MAGI2: variants seen among roughly 807,000 people sequenced by gnomAD.
MAGI2 encodes the protein membrane associated guanylate kinase, WW and PDZ domain containing 2.
Under a neutral mutation model 133.3 loss-of-function variants are expected in MAGI2, and 35 were observed. That is an observed-to-expected ratio of 0.26 (90% CI 0.20 to 0.35). MAGI2 has a LOEUF of 0.35. Among genes scored for constraint, MAGI2 ranks in the 10% least tolerant of loss-of-function variants. The pLI is 1.00. For missense variants in MAGI2, 1,636 were observed against 1,863.4 expected (o/e 0.88, Z 2.25); for synonymous variants, 729 against 710.6 (o/e 1.03, Z -0.41).
intron 2 of MAGI2, among the ~76,000 whole-genome samples, chr7:78,867,408 G>T (rs1031178670): frequency 6.6e-6 from 1 of 151,202 alleles, no homozygotes; most frequent in Admixed American, 6.6e-5. Flanking sequence ...GATGAAATTG[G>T]AAATCATCAT....
At chr7:78,657,520 A>T (rs1812435257) in intron 2 of MAGI2, among the ~76,000 whole-genome samples, 1 of 152,224 alleles carries the variant, frequency 6.6e-6, no homozygotes, top group Non-Finnish European at 1.5e-5. Flanking sequence ...GATATGAAGG[A>T]AATTTAAATG....
chr7:78,891,300 C>A (rs28863478), intron 2 of MAGI2, among the ~76,000 whole-genome samples: 57 of 152,256 alleles, frequency 3.7e-4, no homozygotes, highest in African/African-American at 1.3e-3. Context: ...ACCAAAGGTA[C>A]AAGGAGGAGC....
intron 9 of MAGI2, among the ~76,000 whole-genome samples, chr7:78,284,117 T>C (rs185148348): frequency 5.1e-4 from 77 of 152,208 alleles, no homozygotes; most frequent in African/African-American, 1.8e-3. Context: ...AATTTAAATA[T>C]GAGTACACAC....
At chr7:78,181,594 G>A (rs925555476) in intron 13 of MAGI2, among the ~76,000 whole-genome samples, 1 of 152,194 alleles carries the variant, frequency 6.6e-6, no homozygotes, top group Non-Finnish European at 1.5e-5. Context: ...TTGCTTCTTA[G>A]AAGTTGGGTC....
intron 3 of MAGI2, among the ~76,000 whole-genome samples, chr7:78,591,541 C>A (rs1426136436): frequency 6.6e-6 from 1 of 152,176 alleles, no homozygotes; most frequent in Non-Finnish European, 1.5e-5. Flanking sequence ...ATGCCAATGG[C>A]GGAGCCCTAA....
chr7:78,144,419 T>G (rs1283147157), intron 16 of MAGI2, among the ~76,000 whole-genome samples: 1 of 152,196 alleles, frequency 6.6e-6, no homozygotes, highest in African/African-American at 2.4e-5. Context: ...TATCCCAAAG[T>G]AGTTTTATTA....
At chr7:79,057,473 T>G (rs1456645755) in intron 1 of MAGI2, among the ~76,000 whole-genome samples, 1 of 152,222 alleles carries the variant, frequency 6.6e-6, no homozygotes, top group Non-Finnish European at 1.5e-5. Context: ...TATGTGTATT[T>G]TTGTTTCTAA....
intron 9 of MAGI2, among the ~76,000 whole-genome samples, chr7:78,304,488 T>C (rs1043248447): frequency 6.6e-6 from 1 of 152,214 alleles, no homozygotes; most frequent in Non-Finnish European, 1.5e-5. Flanking sequence ...GAGCAACACA[T>C]GATTTGCTTA....
At chr7:79,174,384 A>G (rs1221491667) in intron 1 of MAGI2, among the ~76,000 whole-genome samples, 1 of 152,140 alleles carries the variant, frequency 6.6e-6, no homozygotes, top group African/African-American at 2.4e-5. Flanking sequence ...AAAAGGGAAG[A>G]AACCACAAAG....
chr7:78,460,941 AACACAC>A (rs5885065), intron 6 of MAGI2, among the ~76,000 whole-genome samples: 4 of 150,354 alleles, frequency 2.7e-5, no homozygotes, highest in African/African-American at 4.9e-5. Flanking sequence ...GATCTGGTAA[AACACAC>A]ACACACACAC....
In MAGI2 at chr7:78,256,001, C is replaced by T. The variant is rs1395136518; in HGVS notation, c.1989G>A (p.Val663=). ...CAATGGGACAGTCCTTAAGTATATC[C>T]ACTACTTCTGTATGGCTCAGGTTCT... The part of the protein sequence containing the change: ...NVQNLSHTEV[V]DILKDCPIGS... Residue 663 remains valine, a synonymous_variant, in exon 10 of 22, where the codon GTG becomes GTA. Transcript: ENST00000354212. The T allele has an allele frequency of 3.1e-6, 5 of 1,613,596 alleles. No homozygotes were observed. Among genetic ancestry groups the T allele is most frequent in the Non-Finnish European group, 4.2e-6 (5 of 1,179,884 alleles).
chr7:78,283,738 A>G (rs1187806716), intron 9 of MAGI2, among the ~76,000 whole-genome samples: 1 of 152,132 alleles, frequency 6.6e-6, no homozygotes, highest in East Asian at 1.9e-4. Context: ...AGTCATCTAT[A>G]GAATACATGC....
intron 6 of MAGI2, among the ~76,000 whole-genome samples, chr7:78,445,218 T>C (rs1788013202): frequency 6.6e-6 from 1 of 152,064 alleles, no homozygotes; most frequent in African/African-American, 2.4e-5. Flanking sequence ...CAAGCAGATA[T>C]CATGCAACTA....
At chr7:78,967,217 C>A (rs1335444392) in intron 2 of MAGI2, among the ~76,000 whole-genome samples, 2 of 152,018 alleles carry the variant, frequency 1.3e-5, no homozygotes, top group African/African-American at 4.8e-5. Flanking sequence ...GCTAGAATTA[C>A]GGGTGTGAGT....
chr7:78,600,574 A>T (rs1255601413), intron 3 of MAGI2, among the ~76,000 whole-genome samples: 1 of 152,212 alleles, frequency 6.6e-6, no homozygotes, highest in Non-Finnish European at 1.5e-5. Context: ...GTGGCAATAC[A>T]TAATTAGAAA....
chr7:78,050,533 CAA>C (rs949358753), intron 21 of MAGI2, among the ~76,000 whole-genome samples: 36 of 152,158 alleles, frequency 2.4e-4, no homozygotes, highest in African/African-American at 6.8e-4. Context: ...CTAAATGACA[CAA>C]GAGGATTTAG....
intron 20 of MAGI2, among the ~76,000 whole-genome samples, chr7:78,083,384 G>T (rs1423523758): frequency 8.0e-5 from 5 of 62,706 alleles, no homozygotes; most frequent in African/African-American, 3.2e-4. Context: ...GGGAGGGAGG[G>T]GGGGAGAGAG....
intron 10 of MAGI2, among the ~76,000 whole-genome samples, chr7:78,202,576 G>T: frequency 6.6e-6 from 1 of 151,124 alleles, no homozygotes; most frequent in East Asian, 1.9e-4. Flanking sequence ...CCAGCTACTT[G>T]GGAGGCTGAG....
At chr7:78,608,984 T>A (rs1419683920) in intron 3 of MAGI2, among the ~76,000 whole-genome samples, 3 of 152,158 alleles carry the variant, frequency 2.0e-5, no homozygotes, top group African/African-American at 7.2e-5. Context: ...GGAGAGCCAA[T>A]CTGAGTGTCA....
Sources: allele counts gnomAD v4.1 joint callset (sites outside exome capture counted in the v4.1 genomes callset), GRCh38; gene constraint gnomAD v4.1.1; transcripts MANE v1.5; gene names NCBI Gene and HGNC (gene_info 2026-07-23, HGNC 2026-07-21).